Variants in ZNF773 observed in about 807,000 individuals in gnomAD.
ZNF773 encodes zinc finger protein 419B.
ZNF773 carries 11 observed loss-of-function variants against 12.8 expected under a neutral mutation model. That is an observed-to-expected ratio of 0.86 (90% CI 0.54 to 1.42). ZNF773 has a LOEUF of 1.42. ZNF773 is among the 40% of genes most tolerant of loss of function. The pLI is 0.00. For missense variants in ZNF773, 518 were observed against 527.2 expected (o/e 0.98, Z 0.17); for synonymous variants, 175 against 178.4 (o/e 0.98, Z 0.15).
At chr19:57,512,400 A>T (rs867687311), downstream of ZNF773, among the ~76,000 whole-genome samples, 27 of 113,272 alleles carry the variant, frequency 2.4e-4, no homozygotes, top group East Asian at 5.6e-4. Flanking sequence ...AAGATGCAGT[A>T]TTTTTTTTTT....
chr19:57,507,491 G>C lies in ZNF773; in HGVS notation c.*67G>C. On this transcript the variant is annotated 3_prime_UTR_variant, in exon 4 of 4. Transcript: ENST00000282292. ...ACCAGAAAGTTCACAGTGTAAAAAA[G>C]TCTTGAAGGTTACTAATGGAAATCC... The C allele has an allele frequency of 2.0e-6, 3 of 1,521,274 alleles. No individual in the cohort carries two copies. The highest frequency in any genetic ancestry group is 2.3e-5 in the Admixed American group (1 of 43,224). 94.2% of individuals were successfully genotyped at this position (1,521,274 alleles called of 1,614,324 possible).
chr19:57,503,807 G>A (rs1033833724), intron 1 of ZNF773, among the ~76,000 whole-genome samples: 12 of 151,952 alleles, frequency 7.9e-5, no homozygotes, highest in African/African-American at 2.4e-4. Flanking sequence ...ACAGGCATGC[G>A]CCACCACCCC....
chr19:57,510,080 C>A (rs148982903), downstream of ZNF773, among the ~76,000 whole-genome samples: 176 of 152,292 alleles, frequency 1.2e-3, 1 homozygote, highest in African/African-American at 4.1e-3. Context: ...CCCGCTGGGT[C>A]TCTTCCAAGT....
At position 57,507,146 on chromosome 19, in the gene ZNF773, C is replaced by T. The variant is rs759784390; in HGVS notation, c.1051C>T (p.Arg351Cys). ...CAAGTCCAGCCTTATCAATCATTGG[C>T]GTGTTCACACTGGAGAAAGGCCTTA... ...SHKSSLINHW[R>C]VHTGERPYEC... is the part of the protein sequence containing the mutation. The change falls in exon 4 of 4, where the codon CGT (arginine) becomes TGT (cysteine). Residue 351 changes from arginine (R) to cysteine (C), a missense_variant. Arg to Cys is a radical substitution (Grantham distance 180). Coordinates refer to ENST00000282292, the MANE Select transcript of ZNF773 (RefSeq NM_198542.3). 9.3e-6 allele frequency: 15 copies of T among 1,606,666 alleles called. No homozygotes were observed. Among genetic ancestry groups the T allele is most frequent in the Admixed American group, 1.7e-5 (1 of 59,256 alleles).
chr19:57,514,496 A>G (rs1442133562), downstream of ZNF773: 1 of 152,228 alleles, frequency 6.6e-6, no homozygotes, highest in African/African-American at 2.4e-5. Flanking sequence ...TGCTTCAGCA[A>G]CAACATGCCA....
chr19:57,505,539 A>C, intron 3 of ZNF773, 139 bp downstream of exon 3: 2 of 989,604 alleles, frequency 2.0e-6, no homozygotes, highest in African/African-American at 1.6e-5. Flanking sequence ...TTCCTCAGTC[A>C]CCCATTTATA....
rs1340066920 is a variant in ZNF773 at position 57,507,182 on chromosome 19, G to T, written c.1087G>T (p.Glu363Ter). The T allele has an allele frequency of 2.5e-6, 4 of 1,614,102 alleles. No homozygotes were observed. The highest frequency in any genetic ancestry group is 3.4e-6 in the Non-Finnish European group (4 of 1,180,050). ...HTGERPYECSECGKFFSQSSS... is the reference protein window; with the variant it reads ...HTGERPYECS ...TGGAGAAAGGCCTTATGAGTGCAGT[G>T]AATGTGGGAAATTTTTTAGCCAAAG... Residue 363 changes from glutamate (E) to a stop codon, truncating the protein, a stop_gained, in exon 4 of 4, where the codon GAA becomes TAA. Coordinates refer to ENST00000282292, the MANE Select transcript of ZNF773 (RefSeq NM_198542.3). LOFTEE classifies it low-confidence loss of function (END_TRUNC).
Position 57,507,482 on chromosome 19 carries a change from T to G in ZNF773, c.*58T>G. The G allele has an allele frequency of 6.5e-7, 1 of 1,530,252 alleles. No homozygotes were observed. Among genetic ancestry groups the G allele is most frequent in the South Asian group, 1.3e-5 (1 of 74,968 alleles). 94.8% of individuals were successfully genotyped at this position (1,530,252 alleles called of 1,614,324 possible). ...TCATTCAACACCAGAAAGTTCACAG[T>G]GTAAAAAAGTCTTGAAGGTTACTAA... On this transcript the variant is annotated 3_prime_UTR_variant, in exon 4 of 4. Coordinates refer to ENST00000282292, the MANE Select transcript of ZNF773 (RefSeq NM_198542.3).
chr19:57,511,469 G>C (rs1228769144), downstream of ZNF773, among the ~76,000 whole-genome samples: 1 of 152,196 alleles, frequency 6.6e-6, no homozygotes, highest in Non-Finnish European at 1.5e-5. Flanking sequence ...GAACAGAAGA[G>C]AATAGAGAAC....
Position 57,505,365 on chromosome 19 carries a change from C to T in ZNF773, c.227C>T (p.Pro76Leu). The T allele has an allele frequency of 6.2e-7, 1 of 1,614,114 alleles. No individual in the cohort carries two copies. Reference protein sequence around the residue: ...QLESWEEPFMPAWEVVTSAIL... With the variant: ...QLESWEEPFMLAWEVVTSAIL... ...GAGTCATGGGAGGAGCCCTTCATGC[C>T]TGCTTGGGAAGTTGTGACTTCAGCC... The change falls in exon 3 of 4, where the codon CCT becomes CTT. Residue 76 changes from proline to leucine, a missense_variant. Coordinates refer to ENST00000282292, the MANE Select transcript of ZNF773 (RefSeq NM_198542.3).
At chr19:57,502,986 T>C (rs73070969) in intron 1 of ZNF773, among the ~76,000 whole-genome samples, 31,521 of 152,208 alleles carry the variant, frequency 0.21, 3,393 homozygotes, top group African/African-American at 0.25. Context: ...CCACAGCGCC[T>C]AGCCAGAGTC....
At position 57,506,483 on chromosome 19, in the gene ZNF773, G is replaced by A; in HGVS notation, c.388G>A (p.Gly130Ser). 1 of 1,614,176 alleles carries A rather than the reference G, an allele frequency of 6.2e-7. No individual in the cohort carries two copies. ...CGEKPLKRQE[G>S]RVPVLRSCRV... The stretch of plus-strand genomic sequence containing the variant: ...AGAGAAACCCTTAAAAAGACAAGAG[G>A]GCAGGGTCCCAGTTTTGAGGAGTTG... The change falls in exon 4 of 4, where the codon GGC (glycine) becomes AGC (serine). Residue 130 changes from glycine to serine, a missense_variant. Gly to Ser is a moderately conservative substitution (Grantham distance 56). Transcript: ENST00000282292.
At position 57,507,490 on chromosome 19, in the gene ZNF773, A is replaced by G; in HGVS notation, c.*66A>G. 2 of 1,524,612 alleles carry G rather than the reference A, an allele frequency of 1.3e-6. No individual in the cohort carries two copies. The highest frequency in any genetic ancestry group is 1.8e-6 in the Non-Finnish European group (2 of 1,141,922). 94.4% of individuals were successfully genotyped at this position (1,524,612 alleles called of 1,614,324 possible). On this transcript the variant is annotated 3_prime_UTR_variant, in exon 4 of 4. Coordinates refer to ENST00000282292, the MANE Select transcript of ZNF773 (RefSeq NM_198542.3). ...CACCAGAAAGTTCACAGTGTAAAAA[A>G]GTCTTGAAGGTTACTAATGGAAATC...
At chr19:57,514,948 T>C (rs1054760612), downstream of ZNF773, 4 of 152,230 alleles carry the variant, frequency 2.6e-5, no homozygotes, top group African/African-American at 9.6e-5. Context: ...ATGACTCTTC[T>C]AAAGGCTGTG....
At chr19:57,509,957 T>C (rs1208726986), downstream of ZNF773, among the ~76,000 whole-genome samples, 1 of 152,172 alleles carries the variant, frequency 6.6e-6, no homozygotes, top group Non-Finnish European at 1.5e-5. Flanking sequence ...AAAGTTATCA[T>C]TAACAGGACA....
chr19:57,502,407 A>G (rs569833086), intron 1 of ZNF773, among the ~76,000 whole-genome samples: 3 of 152,322 alleles, frequency 2.0e-5, no homozygotes, highest in Admixed American at 1.3e-4. Flanking sequence ...CAGCAGGTAT[A>G]AGGCAGACCT....
rs1322367873 is a variant in ZNF773, at chr19:57,506,374, C to T, written c.279C>T (p.Ala93=). Residue 93 remains alanine (A), a synonymous_variant, in exon 4 of 4, where the codon GCC becomes GCT. Coordinates refer to ENST00000282292, the MANE Select transcript of ZNF773 (RefSeq NM_198542.3). ...SAILRGSWQG[A]KAEAAAEQSA... ...TTCTTTCAGGTAGTTGGCAAGGAGC[C>T]AAGGCTGAGGCAGCTGCTGAGCAGA... 1 of 1,609,342 alleles carries T rather than the reference C, an allele frequency of 6.2e-7. No homozygotes were observed. Among genetic ancestry groups the T allele is most frequent in the Non-Finnish European group, 8.5e-7 (1 of 1,178,424 alleles).
In ZNF773 at chr19:57,506,480, G is replaced by C. The variant is rs141951769; in HGVS notation, c.385G>C (p.Glu129Gln). 2.1e-4 allele frequency: 346 copies of C among 1,614,096 alleles called. No individual in the cohort carries two copies. The highest frequency in any genetic ancestry group is 2.0e-4 in the East Asian group (9 of 44,904). The change falls in exon 4 of 4, where the codon GAG becomes CAG. Residue 129 changes from glutamate (E) to glutamine (Q), a missense_variant. Physicochemically the swap from Glu to Gln is conservative, Grantham distance 29. Coordinates refer to ENST00000282292, the MANE Select transcript of ZNF773 (RefSeq NM_198542.3). The stretch of plus-strand genomic sequence containing the variant: ...TGGAGAGAAACCCTTAAAAAGACAA[G>C]AGGGCAGGGTCCCAGTTTTGAGGAG... ...HCGEKPLKRQ[E>Q]GRVPVLRSCR...
At chr19:57,503,657 C>CT (rs150122476) in intron 1 of ZNF773, among the ~76,000 whole-genome samples, 410 of 132,274 alleles carry the variant, frequency 3.1e-3, no homozygotes, top group East Asian at 0.01. Flanking sequence ...GAGACGTGGG[C>CT]TTTTTTTTTT....
Sources: gnomAD v4.1 joint callset for allele counts (sites outside exome capture counted in the v4.1 genomes callset) on GRCh38, gnomAD v4.1.1 for gene constraint, MANE v1.5 for transcripts, NCBI Gene and HGNC (gene_info 2026-07-23, HGNC 2026-07-21) for gene names.